SERGEF: variants seen among roughly 807,000 people sequenced by gnomAD.
The protein encoded by SERGEF is secretion-regulating guanine nucleotide exchange factor.
A neutral mutation model predicts 50.0 loss-of-function variants in SERGEF; 51 were observed. The ratio of observed to expected loss-of-function variants is 1.02; its 90% CI spans 0.81 to 1.29. The LOEUF is 1.29. SERGEF is among the 50% of genes most tolerant of loss of function. The pLI is 0.00. For synonymous variants in SERGEF, 205 were observed against 212.4 expected, an observed-to-expected ratio of 0.97 and a Z score of 0.30; for missense variants, 521 against 557.0, an observed-to-expected ratio of 0.94 and a Z score of 0.65.
chr11:17,848,102 T>C (rs1282076523), intron 10 of SERGEF, among the ~76,000 whole-genome samples: 1 of 152,188 alleles, frequency 6.6e-6, no homozygotes, highest in Admixed American at 6.5e-5. Context: ...GCCAGGCCCT[T>C]TGCTGAATCC....
intron 10 of SERGEF, among the ~76,000 whole-genome samples, chr11:17,873,332 G>C (rs1478223825): frequency 6.6e-6 from 1 of 152,146 alleles, no homozygotes; most frequent in Non-Finnish European, 1.5e-5. Context: ...GATTAAATGG[G>C]ATGAGGTAGG....
chr11:17,808,479 C>T (rs1849805545), intron 10 of SERGEF, among the ~76,000 whole-genome samples: 1 of 152,130 alleles, frequency 6.6e-6, no homozygotes, highest in South Asian at 2.1e-4. Flanking sequence ...AAAGAGAACT[C>T]ACTTATAACC....
intron 10 of SERGEF, among the ~76,000 whole-genome samples, chr11:17,860,204 T>C (rs1340057420): frequency 1.3e-5 from 2 of 152,022 alleles, no homozygotes; most frequent in East Asian, 3.8e-4. Context: ...TTGGGAACAA[T>C]TAGTAATTGG....
chr11:17,862,516 C>T (rs555609477), intron 10 of SERGEF, among the ~76,000 whole-genome samples: 1 of 152,182 alleles, frequency 6.6e-6, no homozygotes, highest in Non-Finnish European at 1.5e-5. Flanking sequence ...AATAGGCAAA[C>T]CGAATGTTGC....
intron 10 of SERGEF, among the ~76,000 whole-genome samples, chr11:17,838,332 CAG>C (rs1428362624): frequency 6.6e-6 from 1 of 152,162 alleles, no homozygotes; most frequent in East Asian, 1.9e-4. Context: ...CGGTATCTGA[CAG>C]AGAGACTTGA....
intron 10 of SERGEF, among the ~76,000 whole-genome samples, chr11:17,819,539 T>A (rs920522932): frequency 6.6e-6 from 1 of 152,244 alleles, no homozygotes; most frequent in Admixed American, 6.5e-5. Context: ...ACACGGTGAA[T>A]GAGAGGCAGA....
At chr11:17,917,703 T>C (rs943588329) in intron 9 of SERGEF, among the ~76,000 whole-genome samples, 1 of 152,202 alleles carries the variant, frequency 6.6e-6, no homozygotes, top group East Asian at 1.9e-4. Context: ...AAACAGGCTA[T>C]AGTTCGAGAA....
chr11:17,899,156 C>T (rs1851699913), intron 9 of SERGEF, among the ~76,000 whole-genome samples: 1 of 152,170 alleles, frequency 6.6e-6, no homozygotes, highest in Non-Finnish European at 1.5e-5. Context: ...CCAATGAAAC[C>T]TCTTTTCTTT....
At chr11:17,859,570 T>C (rs896085281) in intron 10 of SERGEF, among the ~76,000 whole-genome samples, 3 of 152,170 alleles carry the variant, frequency 2.0e-5, no homozygotes, top group African/African-American at 4.8e-5. Flanking sequence ...CCTAAGCCTC[T>C]GGACTGAGAA....
Position 17,878,261 on chromosome 11 carries a change from A to G in SERGEF, c.1012-17T>C. On this transcript the variant is annotated splice_polypyrimidine_tract_variant and intron_variant, in intron 9 of 10. Coordinates refer to ENST00000265965, the MANE Select transcript of SERGEF (RefSeq NM_012139.4). ...ACAAGAGACCTGTAAAAAAAAAAAA[A>G]GACAAAGAAAATGGATAGATATTTC... The G allele has an allele frequency of 6.8e-7, 1 of 1,479,812 alleles. No individual in the cohort carries two copies. The highest frequency in any genetic ancestry group is 9.3e-7 in the Non-Finnish European group (1 of 1,070,984). The allele number at this position is 1,479,812 out of a possible 1,614,324, so 91.7% of individuals were successfully genotyped here. A position where few individuals can be genotyped will look rare whatever the true frequency, so the allele number is the denominator to read the frequency against.
At chr11:17,961,450 TG>T (rs1852996096) in intron 8 of SERGEF, among the ~76,000 whole-genome samples, 2 of 152,158 alleles carry the variant, frequency 1.3e-5, no homozygotes, top group Non-Finnish European at 2.9e-5. Context: ...GTTCCTCTGC[TG>T]GGAAAAACTA....
chr11:17,845,516 A>T (rs2133866549), intron 10 of SERGEF, among the ~76,000 whole-genome samples: 1 of 152,276 alleles, frequency 6.6e-6, no homozygotes, highest in South Asian at 2.1e-4. Context: ...TGGCCTCTCC[A>T]TCCTGGCTCT....
At chr11:17,813,172 C>T (rs1849905185) in intron 10 of SERGEF, among the ~76,000 whole-genome samples, 1 of 152,144 alleles carries the variant, frequency 6.6e-6, no homozygotes, top group Non-Finnish European at 1.5e-5. Context: ...AACAGAAGTA[C>T]CAATTTCCAT....
rs969285962 is a variant in SERGEF, at chr11:18,000,412, G to A, written c.508+85C>T. ...TACAGCAAGCTATGATCGAGCCACTGCACTCCAGCCTGGGCAACAGAGTGA... is the reference window on the plus strand; with the variant it reads ...TACAGCAAGCTATGATCGAGCCACTACACTCCAGCCTGGGCAACAGAGTGA... On this transcript the variant is annotated intron_variant, in intron 5 of 10. Coordinates refer to ENST00000265965, the MANE Select transcript of SERGEF (RefSeq NM_012139.4). The A allele has an allele frequency of 8.9e-6, 8 of 894,108 alleles. No individual in the cohort carries two copies. In the African/African-American group the frequency reaches 1.2e-4, roughly 14 times the overall value. The allele number at this position is 894,108 out of a possible 1,614,324, so 55.4% of individuals were successfully genotyped here. A position where few individuals can be genotyped will look rare whatever the true frequency, so the allele number is the denominator to read the frequency against.
chr11:17,846,763 T>C (rs1247967110), intron 10 of SERGEF: 1 of 456,266 alleles, frequency 2.2e-6, no homozygotes, highest in Non-Finnish European at 4.4e-6. Flanking sequence ...GCAGAGATAC[T>C]GCAAAGATTA....
chr11:17,943,492 A>G (rs1852599236), intron 9 of SERGEF, among the ~76,000 whole-genome samples: 1 of 152,118 alleles, frequency 6.6e-6, no homozygotes, highest in African/African-American at 2.4e-5. Context: ...GGGCTTTATC[A>G]ATTCTGTTGA....
At chr11:17,979,289 T>C (rs1299422699) in intron 8 of SERGEF, among the ~76,000 whole-genome samples, 7 of 152,226 alleles carry the variant, frequency 4.6e-5, no homozygotes. Flanking sequence ...TAGTAAGGCA[T>C]GGCACGTGAA....
chr11:17,972,558 C>T (rs1853271300), intron 8 of SERGEF, among the ~76,000 whole-genome samples: 1 of 152,178 alleles, frequency 6.6e-6, no homozygotes, highest in Non-Finnish European at 1.5e-5. Flanking sequence ...TGCTATTGTG[C>T]ATTTAATAGG....
intron 9 of SERGEF, among the ~76,000 whole-genome samples, chr11:17,887,505 A>G (rs1034567068): frequency 3.9e-5 from 6 of 152,226 alleles, no homozygotes; most frequent in Non-Finnish European, 1.5e-5. Context: ...CAGGCTTCTC[A>G]GAAACAATTT....
Sources: allele counts gnomAD v4.1 joint callset (sites outside exome capture counted in the v4.1 genomes callset), GRCh38; gene constraint gnomAD v4.1.1; transcripts MANE v1.5; gene names NCBI Gene and HGNC (gene_info 2026-07-23, HGNC 2026-07-21).